ZNF589: variants seen among roughly 807,000 people sequenced by gnomAD.
ZNF589 encodes KRAB-zinc finger protein SZF1-1.
In ZNF589, 17 loss-of-function variants were observed where a neutral mutation model predicts 13.6. The observed-to-expected ratio is 1.25, with a 90% CI of 0.86 to 1.88. The LOEUF (loss-of-function observed/expected upper bound fraction) is 1.88, where lower values mean the gene tolerates loss of function less well. Ranked by LOEUF, ZNF589 falls within the 40% of genes most tolerant of loss-of-function variation. The pLI is 0.00. For missense variants in ZNF589, 407 were observed against 434.0 expected (o/e 0.94, Z 0.55); for synonymous variants, 148 against 161.6 (o/e 0.92, Z 0.64).
Position 48,269,357 on chromosome 3 carries a change from T to C in ZNF589, c.*571T>C. The C allele has an allele frequency of 1.0e-6, 1 of 973,092 alleles. No individual in the cohort carries two copies. Among genetic ancestry groups the C allele is most frequent in the Non-Finnish European group, 1.5e-6 (1 of 662,668 alleles). The allele number at this position is 973,092 out of a possible 1,614,324, so 60.3% of individuals were successfully genotyped here. ...GAGTACACACTCCAAGGAAAAACCTTATGTGTGCAGCCAGTGTGGGCGAGG... is the reference window on the plus strand; with the variant it reads ...GAGTACACACTCCAAGGAAAAACCTCATGTGTGCAGCCAGTGTGGGCGAGG... On this transcript the variant is annotated 3_prime_UTR_variant, in exon 4 of 4. Coordinates refer to ENST00000354698, the MANE Select transcript of ZNF589 (RefSeq NM_016089.3).
At chr3:48,245,064 G>A (rs535423261) in intron 1 of ZNF589, among the ~76,000 whole-genome samples, 10 of 152,038 alleles carry the variant, frequency 6.6e-5, no homozygotes, top group African/African-American at 1.9e-4. Context: ...TTGGCCTCCC[G>A]AAGTGCTGGG....
rs1230659894 is a variant in ZNF589 at position 48,255,487 on chromosome 3, C to CTTT, written c.97-5303_97-5301dup. 1.6e-3 allele frequency among the ~76,000 whole-genome samples: 130 copies of CTTT among 82,738 alleles called. 1 individual carries two copies. The highest frequency in any genetic ancestry group is 2.2e-3 in the African/African-American group (43 of 19,364). 54.3% of individuals were successfully genotyped at this position (82,738 alleles called of 152,430 possible). On this transcript the variant is annotated intron_variant, in intron 2 of 3. Transcript: ENST00000354698. ...CACCATGCCTGGCCAAGAGTTTTTACTTTTTTTTTTTTTTTTTTTTTTTTT... is the reference window on the plus strand; with the variant it reads ...CACCATGCCTGGCCAAGAGTTTTTACTTTTTTTTTTTTTTTTTTTTTTTTTTTT...
intron 2 of ZNF589, among the ~76,000 whole-genome samples, chr3:48,255,388 C>A (rs2033887132): frequency 6.6e-6 from 1 of 151,016 alleles, no homozygotes; most frequent in South Asian, 2.1e-4. Context: ...GTTGGCCAGG[C>A]TGGTCTCAAG....
At chr3:48,267,420 C>T (rs1411593923) in intron 3 of ZNF589, among the ~76,000 whole-genome samples, 2 of 149,662 alleles carry the variant, frequency 1.3e-5, no homozygotes, top group Non-Finnish European at 3.0e-5. Flanking sequence ...TTTTTTGAGA[C>T]GGAGTCTCAC....
chr3:48,261,656 G>A (rs889289801), intron 3 of ZNF589, among the ~76,000 whole-genome samples: 5 of 152,194 alleles, frequency 3.3e-5, no homozygotes, highest in African/African-American at 4.8e-5. Flanking sequence ...AGTTCTTGAT[G>A]AGAGTCAGAT....
chr3:48,241,259 CCGCAGGCGCCG>C, intron 1 of ZNF589, 45 bp downstream of exon 1: 2 of 1,601,340 alleles, frequency 1.2e-6, no homozygotes, highest in Admixed American at 1.7e-5. Context: ...GGTGCTCCAG[CCGCAGGCGCCG>C]CGCAGGCGTC....
rs1217299799 is a variant in ZNF589, at chr3:48,269,929, C to T, written c.*1143C>T. The T allele has an allele frequency of 1.2e-5, 5 of 416,126 alleles. No individual in the cohort carries two copies. The highest frequency in any genetic ancestry group is 4.1e-5 in the African/African-American group (2 of 48,888). The allele number at this position is 416,126 out of a possible 1,614,324, so 25.8% of individuals were successfully genotyped here. A position where few individuals can be genotyped will look rare whatever the true frequency, so the allele number is the denominator to read the frequency against. On this transcript the variant is annotated 3_prime_UTR_variant, in exon 4 of 4. Transcript: ENST00000354698. ...CTTGGAGTCAAATCTATCCACTGTA[C>T]GCCCACCCCACTCTTGTTCTAAGAG...
At position 48,260,948 on chromosome 3, in the gene ZNF589, A is replaced by G. The variant is rs1175745125; in HGVS notation, c.223+9A>G. 1 of 1,614,060 alleles carries G rather than the reference A, an allele frequency of 6.2e-7. No individual in the cohort carries two copies. The highest frequency in any genetic ancestry group is 1.7e-5 in the Admixed American group (1 of 60,002). On this transcript the variant is annotated intron_variant, in intron 3 of 3. Transcript: ENST00000354698. ...GAATCTGGTCTCATTGGGTAAGGAC[A>G]TGTTCTCTTCCTTCATTTTTCCATT...
chr3:48,257,589 A>ATTT (rs981133045), intron 2 of ZNF589, among the ~76,000 whole-genome samples: 1 of 151,440 alleles, frequency 6.6e-6, no homozygotes, highest in African/African-American at 2.4e-5. Context: ...GTTTATTATT[A>ATTT]TTTTTTTTAA....
chr3:48,256,759 A>G (rs1383572429), intron 2 of ZNF589: 4 of 1,603,646 alleles, frequency 2.5e-6, no homozygotes, highest in Non-Finnish European at 3.4e-6. Flanking sequence ...GAGGATTTGG[A>G]CTCTCCTTGG....
chr3:48,255,725 G>A (rs745630087), intron 2 of ZNF589, among the ~76,000 whole-genome samples: 1 of 151,404 alleles, frequency 6.6e-6, no homozygotes, highest in Non-Finnish European at 1.5e-5. Context: ...GTAACCTCAG[G>A]TGATCTGCCT....
At chr3:48,266,949 T>C (rs2106849562) in intron 3 of ZNF589, among the ~76,000 whole-genome samples, 1 of 152,338 alleles carries the variant, frequency 6.6e-6, no homozygotes, top group South Asian at 2.1e-4. Flanking sequence ...TTGTGACTTT[T>C]CCTTTGAGAA....
intron 2 of ZNF589, chr3:48,256,989 C>T (rs758511611): frequency 1.3e-5 from 8 of 597,160 alleles, no homozygotes; most frequent in South Asian, 1.2e-4. Flanking sequence ...AAATGTTGAA[C>T]CAGCTTTGCA....
intron 2 of ZNF589, among the ~76,000 whole-genome samples, chr3:48,250,715 GC>G (rs2033828954): frequency 6.7e-6 from 1 of 150,202 alleles, no homozygotes; most frequent in African/African-American, 2.5e-5. Context: ...CAGGTGATCC[GC>G]CCTCCTCGGC....
intron 1 of ZNF589, among the ~76,000 whole-genome samples, chr3:48,247,031 C>G (rs111734734): frequency 6.6e-6 from 1 of 151,438 alleles, no homozygotes; most frequent in African/African-American, 2.4e-5. Flanking sequence ...AGTGCAGTGG[C>G]GTGATCTCTG....
chr3:48,260,694 C>G, intron 2 of ZNF589, 119 bp from the exon 3 acceptor site: 1 of 1,427,506 alleles, frequency 7.0e-7, no homozygotes, highest in South Asian at 1.3e-5. Flanking sequence ...CAGGTGTGAG[C>G]CACCGTGCCC....
chr3:48,261,577 T>C (rs1208271152), intron 3 of ZNF589, among the ~76,000 whole-genome samples: 1 of 152,262 alleles, frequency 6.6e-6, no homozygotes, highest in Non-Finnish European at 1.5e-5. Flanking sequence ...ATCATGTTTT[T>C]ATTCACTTAT....
chr3:48,270,174 CCA>C lies in ZNF589; in HGVS notation c.*1390_*1391del. Reference sequence around the variant, plus strand: ...AGCCTTTGCTGTTTCCTCTCCTACCCCACCTTTAGATTTTACTCAGAGTTCAG... The same window carrying C: ...AGCCTTTGCTGTTTCCTCTCCTACCCCCTTTAGATTTTACTCAGAGTTCAG... On this transcript the variant is annotated 3_prime_UTR_variant, in exon 4 of 4. Coordinates refer to ENST00000354698, the MANE Select transcript of ZNF589 (RefSeq NM_016089.3). The C allele has an allele frequency of 2.2e-6, 1 of 457,146 alleles. No individual in the cohort carries two copies. The highest frequency in any genetic ancestry group is 4.4e-6 in the Non-Finnish European group (1 of 227,064). 28.3% of individuals were successfully genotyped at this position (457,146 alleles called of 1,614,324 possible).
At chr3:48,241,358 C>A in intron 1 of ZNF589, 144 bp downstream of exon 1, 1 of 1,046,834 alleles carries the variant, frequency 9.6e-7, no homozygotes, top group South Asian at 1.6e-5. Flanking sequence ...TCTTACTCCC[C>A]TGGGGGGCCA....
Sources: allele counts gnomAD v4.1 joint callset (sites outside exome capture counted in the v4.1 genomes callset), GRCh38; gene constraint gnomAD v4.1.1; transcripts MANE v1.5; gene names NCBI Gene and HGNC (gene_info 2026-07-23, HGNC 2026-07-21).